The following C6orf62 variants were observed in gnomAD, a reference collection of about 807,000 sequenced individuals.
C6orf62 encodes the protein uncharacterized protein C6orf62.
C6orf62 carries 16 observed loss-of-function variants against 26.8 expected under a neutral mutation model. That is an observed-to-expected ratio of 0.60 (90% CI 0.40 to 0.91). The LOEUF is 0.91. Among genes scored for constraint, C6orf62 ranks in the 40% least tolerant of loss-of-function variants. The pLI is 0.00. For missense variants in C6orf62, 192 were observed against 271.4 expected, an observed-to-expected ratio of 0.71 and a Z score of 2.06; for synonymous variants, 112 against 91.5, an observed-to-expected ratio of 1.22 and a Z score of -1.28.
At chr6:24,720,460 G>A, upstream of C6orf62, 1 of 1,040,938 alleles carries the variant, frequency 9.6e-7, no homozygotes, top group Non-Finnish European at 1.2e-6. Context: ...GGCGCCCTGG[G>A]CGGCAACGGA....
intron 3 of C6orf62, chr6:24,709,245 A>G: frequency 1.0e-6 from 1 of 985,396 alleles, no homozygotes. Flanking sequence ...CCACAACAGC[A>G]GTTGATCAGG....
At chr6:24,720,065 C>A, upstream of C6orf62, 2 of 1,232,876 alleles carry the variant, frequency 1.6e-6, no homozygotes, top group Non-Finnish European at 2.1e-6. Flanking sequence ...CTCTCTCTCA[C>A]GTTGAACAGA....
chr6:24,716,024 C>T, intron 2 of C6orf62, 124 bp downstream of exon 2: 2 of 714,464 alleles, frequency 2.8e-6, no homozygotes, highest in Non-Finnish European at 4.7e-6. Flanking sequence ...GGCACAAAGA[C>T]AAATTTACCT....
At chr6:24,708,565 T>C (rs1297952321) in intron 4 of C6orf62, among the ~76,000 whole-genome samples, 3 of 152,206 alleles carry the variant, frequency 2.0e-5, no homozygotes, top group African/African-American at 4.8e-5. Context: ...CTGGAATTCC[T>C]GAGCTCAAGC....
chr6:24,717,664 A>G (rs1201230784), intron 1 of C6orf62, among the ~76,000 whole-genome samples: 1 of 152,194 alleles, frequency 6.6e-6, no homozygotes, highest in Non-Finnish European at 1.5e-5. Flanking sequence ...GTAGGGGGAA[A>G]CCTGGAAAAC....
upstream of C6orf62, chr6:24,720,412 C>T: frequency 8.8e-7 from 1 of 1,139,820 alleles, no homozygotes; most frequent in Non-Finnish European, 1.1e-6. Context: ...GCGCTGCTGC[C>T]GCCGCTCAGC....
chr6:24,709,604 G>C (rs759310630), intron 3 of C6orf62: 158 of 915,834 alleles, frequency 1.7e-4, no homozygotes, highest in Middle Eastern at 1.7e-3. Context: ...GCTCCTCATA[G>C]ATAGGCTATG....
rs887215410 is a variant in C6orf62 at position 24,714,180 on chromosome 6, A to G, written c.429+138T>C. ...TCCAAACGCTTTCTTCTCTTGCATC[A>G]CAATATTCTAAATAGGGGAGACTCG... On this transcript the variant is annotated intron_variant, in intron 3 of 4. Transcript: ENST00000378119. 2.8e-5 allele frequency: 17 copies of G among 609,496 alleles called. No individual in the cohort carries two copies. The African/African-American group carries it at 3.1e-4, about 11-fold the overall frequency. 37.8% of individuals were successfully genotyped at this position (609,496 alleles called of 1,614,324 possible).
At chr6:24,714,213 A>C in intron 3 of C6orf62, 105 bp downstream of exon 3, 1 of 869,266 alleles carries the variant, frequency 1.2e-6, no homozygotes, top group Non-Finnish European at 1.7e-6. Context: ...TCGTGAAATA[A>C]AACTATCAGA....
chr6:24,708,196 T>C (rs1779049446), intron 4 of C6orf62, among the ~76,000 whole-genome samples: 1 of 151,252 alleles, frequency 6.6e-6, no homozygotes, highest in South Asian at 2.1e-4. Context: ...TAGTTCTCAC[T>C]ACTGTTCACT....
chr6:24,720,013 G>GGGGGGGCGC, upstream of C6orf62: 3 of 1,479,390 alleles, frequency 2.0e-6, no homozygotes, highest in East Asian at 2.5e-5. Context: ...TCTAAAGTAA[G>GGGGGGGCGC]CCCACCCACC....
At chr6:24,706,522 G>A (rs1471080749) in intron 4 of C6orf62, among the ~76,000 whole-genome samples, 4 of 152,212 alleles carry the variant, frequency 2.6e-5, no homozygotes, top group African/African-American at 9.7e-5. Flanking sequence ...GGCATTTCAT[G>A]GGGACAGATT....
Position 24,705,938 on chromosome 6 carries a change from C to A in C6orf62, c.*199G>T. The stretch of plus-strand genomic sequence containing the variant: ...GCAAAGCATCTTCTTTCACACAGTC[C>A]GTGCACGACATCTAATTTTTGTTTA... On this transcript the variant is annotated 3_prime_UTR_variant, in exon 5 of 5. Transcript: ENST00000378119. The A allele has an allele frequency of 1.5e-6, 1 of 663,064 alleles. No homozygotes were observed. Among genetic ancestry groups the A allele is most frequent in the Non-Finnish European group, 2.4e-6 (1 of 424,818 alleles). 41.1% of individuals were successfully genotyped at this position (663,064 alleles called of 1,614,324 possible). A position where few individuals can be genotyped will look rare whatever the true frequency, so the allele number is the denominator to read the frequency against.
chr6:24,710,046 T>C, intron 3 of C6orf62: 1 of 983,516 alleles, frequency 1.0e-6, no homozygotes, highest in Non-Finnish European at 1.2e-6. Context: ...ATATGTAAAA[T>C]GATACTGAAT....
At chr6:24,708,629 T>C in intron 4 of C6orf62, 148 bp downstream of exon 4, 2 of 1,062,096 alleles carry the variant, frequency 1.9e-6, no homozygotes, top group South Asian at 2.8e-5. Context: ...TGAGCCACCA[T>C]GCCCAGCCTA....
chr6:24,716,071 G>A, intron 2 of C6orf62, 77 bp downstream of exon 2: 1 of 1,233,148 alleles, frequency 8.1e-7, no homozygotes, highest in Non-Finnish European at 1.2e-6. Context: ...TCCACTTTAA[G>A]GGGGGTTCGG....
Position 24,715,848 on chromosome 6 carries a change from C to CAAAA in C6orf62, c.306+296_306+299dup, listed in dbSNP as rs139717677. On this transcript the variant is annotated intron_variant, in intron 2 of 4. Transcript: ENST00000378119. ...TCAGCGAAAGAGCAAGACTTTGTCT[C>CAAAA]AAAAAAAAAAAAAAAAAAAAAAGTC... 2.2e-4 allele frequency among the ~76,000 whole-genome samples: 14 copies of CAAAA among 63,768 alleles called. 1 individual carries two copies. The highest frequency in any genetic ancestry group is 1.4e-3 in the East Asian group (3 of 2,174). 41.8% of individuals were successfully genotyped at this position (63,768 alleles called of 152,430 possible).
upstream of C6orf62, chr6:24,720,286 G>C (rs1035270545): frequency 3.2e-6 from 4 of 1,254,466 alleles, no homozygotes; most frequent in Non-Finnish European, 3.0e-6. Flanking sequence ...CGGCGGAAGA[G>C]GCGGCGGCGG....
chr6:24,711,052 A>C (rs1373940537), intron 3 of C6orf62, among the ~76,000 whole-genome samples: 1 of 152,182 alleles, frequency 6.6e-6, no homozygotes, highest in Non-Finnish European at 1.5e-5. Context: ...ACACAAAAAC[A>C]AATGTGTTAA....
Sources: gnomAD v4.1 joint callset for allele counts (sites outside exome capture counted in the v4.1 genomes callset) on GRCh38, gnomAD v4.1.1 for gene constraint, MANE v1.5 for transcripts, NCBI Gene and HGNC (gene_info 2026-07-23, HGNC 2026-07-21) for gene names.